The following YY1AP1 variants were observed in gnomAD, a reference collection of about 807,000 sequenced individuals.
YY1AP1 encodes YY1-associated protein 1.
In YY1AP1, 43 loss-of-function variants were observed where a neutral mutation model predicts 39.9. The ratio of observed to expected loss-of-function variants is 1.08; its 90% confidence interval spans 0.84 to 1.39. YY1AP1 has a LOEUF of 1.39. Ranked by LOEUF, YY1AP1 falls within the 40% of genes most tolerant of loss-of-function variation. The pLI is 0.00. For missense variants in YY1AP1, 813 were observed against 900.7 expected (o/e 0.90, Z 1.25); for synonymous variants, 292 against 331.3 (o/e 0.88, Z 1.29).
chr1:155,678,032 C>T (rs1650972690), intron 4 of YY1AP1, among the ~76,000 whole-genome samples: 1 of 152,116 alleles, frequency 6.6e-6, no homozygotes, highest in South Asian at 2.1e-4. Context: ...CAGAAGCTGC[C>T]CAAGTACAGT....
chr1:155,688,803 C>G, upstream of YY1AP1: 1 of 1,553,534 alleles, frequency 6.4e-7, no homozygotes, highest in Non-Finnish European at 8.7e-7. Flanking sequence ...TCCCACAGTC[C>G]CCACCGCGGG....
At chr1:155,687,500 C>A (rs1192593342) in intron 2 of YY1AP1, among the ~76,000 whole-genome samples, 3 of 138,290 alleles carry the variant, frequency 2.2e-5, no homozygotes, top group African/African-American at 9.5e-5. Flanking sequence ...CTTACGGAAA[C>A]ACTTGCCATC....
intron 9 of YY1AP1, among the ~76,000 whole-genome samples, chr1:155,663,522 C>T (rs1648492199): frequency 6.6e-6 from 1 of 151,928 alleles, no homozygotes; most frequent in Non-Finnish European, 1.5e-5. Context: ...AGTTTGAGAC[C>T]AGCCTGACCA....
At chr1:155,663,201 T>C (rs1648431718) in intron 9 of YY1AP1, among the ~76,000 whole-genome samples, 1 of 151,702 alleles carries the variant, frequency 6.6e-6, no homozygotes, top group Non-Finnish European at 1.5e-5. Flanking sequence ...TGAAACCCCA[T>C]CTCTACTAAA....
In YY1AP1 at chr1:155,660,571, C is replaced by G; in HGVS notation, c.1339G>C (p.Val447Leu). The part of the protein sequence containing the change: ...THSEAPPSKM[V>L]LRIPHPIQPA... ...TGTATTGGGTGAGGAATCCGGAGCA[C>G]CATTTTGCTCGGAGGGGCTTCTGAA... Residue 447 changes from valine to leucine, a missense_variant, in exon 11 of 11, where the codon GTG (valine) becomes CTG (leucine). Physicochemically the swap from Val to Leu is conservative, Grantham distance 32. Around this residue, in one of 3 missense-constraint regions of YY1AP1, gnomAD observed 586 missense variants for 647.4 expected, o/e 0.91. Transcript: ENST00000355499. 6.2e-7 allele frequency: 1 copy of G among 1,614,062 alleles called. No homozygotes were observed. The highest frequency in any genetic ancestry group is 8.5e-7 in the Non-Finnish European group (1 of 1,180,010).
At chr1:155,662,790 C>T (rs1648362361) in intron 9 of YY1AP1, among the ~76,000 whole-genome samples, 1 of 151,296 alleles carries the variant, frequency 6.6e-6, no homozygotes, top group Non-Finnish European at 1.5e-5. Context: ...CACTGGAGGT[C>T]AGGAGTTCAT....
At chr1:155,674,204 C>T (rs886486891) in intron 6 of YY1AP1, among the ~76,000 whole-genome samples, 1 of 143,102 alleles carries the variant, frequency 7.0e-6, no homozygotes, top group Non-Finnish European at 1.5e-5. Flanking sequence ...TACCTCAAAA[C>T]GTCATGAGCA....
chr1:155,665,601 CA>C (rs933184453), intron 9 of YY1AP1, among the ~76,000 whole-genome samples: 9 of 148,152 alleles, frequency 6.1e-5, no homozygotes, highest in Non-Finnish European at 1.0e-4. Context: ...GACTCGGTCT[CA>C]AAAAAAAGCA....
chr1:155,676,541 G>A lies in YY1AP1; in HGVS notation c.324+7C>T, dbSNP rs201603249. ...TTCAATATTAATATGACCAAGGAAAGTGTTACCTGCTGCATCTGCTGCTGG... is the reference window on the plus strand; with the variant it reads ...TTCAATATTAATATGACCAAGGAAAATGTTACCTGCTGCATCTGCTGCTGG... On this transcript the variant is annotated splice_region_variant and intron_variant, in intron 5 of 10. Transcript: ENST00000355499. 1.7e-3 allele frequency: 2,778 copies of A among 1,614,046 alleles called. 4 individuals are homozygous for A. The highest frequency in any genetic ancestry group is 3.8e-3 in the Middle Eastern group (23 of 6,058).
chr1:155,670,180 C>T (rs1368276430), intron 8 of YY1AP1, 140 bp downstream of exon 8: 7 of 1,116,500 alleles, frequency 6.3e-6, no homozygotes, highest in South Asian at 1.4e-5. Context: ...AGAACAAGCA[C>T]GTTCTAGAGG....
intron 1 of YY1AP1, 176 bp downstream of exon 1, chr1:155,688,483 C>T: frequency 1.3e-6 from 2 of 1,549,496 alleles, no homozygotes; most frequent in Non-Finnish European, 1.7e-6. Context: ...CACGTCAGCC[C>T]GCACGCGTAC....
At chr1:155,672,522 G>C (rs375826903) in intron 7 of YY1AP1, 38 bp downstream of exon 7, 4 of 1,603,094 alleles carry the variant, frequency 2.5e-6, no homozygotes, top group Non-Finnish European at 3.4e-6. Context: ...ACCTCTCACC[G>C]CAAGTAAAAA....
At chr1:155,679,829 A>G in intron 3 of YY1AP1, 1 of 1,179,858 alleles carries the variant, frequency 8.5e-7, no homozygotes, top group Non-Finnish European at 1.1e-6. Context: ...TTTGTGTGCA[A>G]AATACTTTAA....
intron 4 of YY1AP1, among the ~76,000 whole-genome samples, chr1:155,678,145 A>C (rs1277277771): frequency 6.6e-6 from 1 of 152,260 alleles, no homozygotes; most frequent in East Asian, 1.9e-4. Flanking sequence ...TGTACTTACC[A>C]TTGTGTTACA....
chr1:155,670,682 T>G, intron 7 of YY1AP1: 1 of 483,866 alleles, frequency 2.1e-6, no homozygotes, highest in Admixed American at 3.6e-5. Context: ...TGACTTTTTT[T>G]TTTTTTTTTT....
At chr1:155,673,310 G>A (rs1434896061) in intron 6 of YY1AP1, among the ~76,000 whole-genome samples, 1 of 152,000 alleles carries the variant, frequency 6.6e-6, no homozygotes, top group Non-Finnish European at 1.5e-5. Context: ...CACCTCACCC[G>A]ACCAGGACCA....
In YY1AP1 at chr1:155,660,721, C is replaced by T. The variant is rs368391142; in HGVS notation, c.1189G>A (p.Asp397Asn). ...GVVLKLKPVA[D>N]RFPKKAWRQK... Reference sequence around the variant, plus strand: ...CTCCAAGCCTTCTTGGGGAAACGGTCGGCAACTGGCTTCAGTTTCAGGACT... The same window carrying T: ...CTCCAAGCCTTCTTGGGGAAACGGTTGGCAACTGGCTTCAGTTTCAGGACT... The change falls in exon 11 of 11, where the codon GAC becomes AAC. Residue 397 changes from aspartate to asparagine, a missense_variant. Asp to Asn is a conservative substitution (Grantham distance 23). Transcript: ENST00000355499. 57 of 1,613,970 alleles carry T rather than the reference C, an allele frequency of 3.5e-5. No homozygotes were observed. The highest frequency in any genetic ancestry group is 1.6e-4 in the Middle Eastern group (1 of 6,084).
chr1:155,685,690 A>T (rs1248196810), intron 2 of YY1AP1, among the ~76,000 whole-genome samples: 1 of 152,232 alleles, frequency 6.6e-6, no homozygotes, highest in Non-Finnish European at 1.5e-5. Context: ...CCTTAAACTC[A>T]TACTAACATC....
At chr1:155,683,375 G>A (rs934793099) in intron 2 of YY1AP1, among the ~76,000 whole-genome samples, 21 of 152,034 alleles carry the variant, frequency 1.4e-4, no homozygotes, top group African/African-American at 7.2e-5. Flanking sequence ...TTGGCTAGGC[G>A]TGGTGGCTCA....
Sources: gnomAD v4.1 joint callset for allele counts (sites outside exome capture counted in the v4.1 genomes callset) on GRCh38, gnomAD v4.1.1 for gene constraint, gnomAD v4.1.1 regional missense constraint, MANE v1.5 for transcripts, NCBI Gene and HGNC (gene_info 2026-07-23, HGNC 2026-07-21) for gene names.